Variants in SLC38A8 observed in about 807,000 individuals in gnomAD.
The protein encoded by SLC38A8 is amino acid transporter SLC38A8.
SLC38A8 carries 65 observed loss-of-function variants against 46.0 expected under a neutral mutation model. That is an observed-to-expected ratio of 1.41 (90% CI 1.16 to 1.74). SLC38A8 has a LOEUF of 1.74. Among genes scored for constraint, SLC38A8 ranks in the 40% most tolerant of loss-of-function variants. The pLI, the probability that SLC38A8 is intolerant of heterozygous loss-of-function variation, is 0.00. For missense variants in SLC38A8, 998 were observed against 567.9 expected, an observed-to-expected ratio of 1.76 and a Z score of -7.70; for synonymous variants, 447 against 243.7, an observed-to-expected ratio of 1.83 and a Z score of -7.77.
intron 9 of SLC38A8, 139 bp from the exon 10 acceptor site, chr16:84,013,191 G>T: frequency 1.2e-6 from 1 of 838,710 alleles, no homozygotes. Flanking sequence ...GCCCCCTGGA[G>T]AGGCAACACA....
chr16:84,033,539 C>A (rs975824752), intron 3 of SLC38A8, 70 bp from the exon 4 acceptor site: 2 of 1,494,030 alleles, frequency 1.3e-6, no homozygotes, highest in African/African-American at 2.8e-5. Context: ...CCACCTGGCC[C>A]TTCAACCCTG....
chr16:84,027,410 A>C (rs1030943404), intron 6 of SLC38A8, among the ~76,000 whole-genome samples: 1 of 152,188 alleles, frequency 6.6e-6, no homozygotes, highest in Non-Finnish European at 1.5e-5. Flanking sequence ...GTCCTGGTGT[A>C]GCCGCATTGG....
At chr16:84,018,134 G>A (rs1357615178) in intron 7 of SLC38A8, among the ~76,000 whole-genome samples, 1 of 151,956 alleles carries the variant, frequency 6.6e-6, no homozygotes, top group Non-Finnish European at 1.5e-5. Flanking sequence ...TGCCCACACT[G>A]GTGAGGGCCT....
intron 4 of SLC38A8, 98 bp downstream of exon 4, chr16:84,033,230 G>T (rs764180758): frequency 3.3e-6 from 5 of 1,524,248 alleles, no homozygotes; most frequent in South Asian, 2.4e-5. Flanking sequence ...AAATGTGAAG[G>T]CCAATTCCCC....
chr16:84,037,849 C>A (rs549160954), intron 2 of SLC38A8, among the ~76,000 whole-genome samples: 4 of 126,206 alleles, frequency 3.2e-5, no homozygotes, highest in South Asian at 2.5e-4. Context: ...AGCTCTGTCA[C>A]CCAGGCTGGA....
intron 3 of SLC38A8, among the ~76,000 whole-genome samples, chr16:84,036,322 T>G (rs1043273310): frequency 5.3e-5 from 8 of 152,220 alleles, no homozygotes; most frequent in African/African-American, 1.9e-4. Flanking sequence ...AAAGTCTTAG[T>G]CGGGAACTCG....
chr16:84,038,990 T>G (rs1381148375), intron 2 of SLC38A8, among the ~76,000 whole-genome samples: 1 of 152,132 alleles, frequency 6.6e-6, no homozygotes, highest in Non-Finnish European at 1.5e-5. Context: ...AAAATGTTAA[T>G]TAAGTGAAAA....
intron 7 of SLC38A8, among the ~76,000 whole-genome samples, chr16:84,022,196 T>C (rs1324215935): frequency 6.6e-6 from 1 of 152,210 alleles, no homozygotes; most frequent in Admixed American, 6.5e-5. Context: ...CTTCCTAGAC[T>C]GGAGGATACG....
At chr16:84,037,096 G>A (rs1467318968) in intron 2 of SLC38A8, among the ~76,000 whole-genome samples, 196 bp from the exon 3 acceptor site, 1 of 152,220 alleles carries the variant, frequency 6.6e-6, no homozygotes, top group South Asian at 2.1e-4. Flanking sequence ...TGAAATCAGA[G>A]CTGCAGTGCA....
intron 3 of SLC38A8, among the ~76,000 whole-genome samples, chr16:84,036,036 G>A (rs937190736): frequency 6.6e-6 from 1 of 152,166 alleles, no homozygotes; most frequent in Non-Finnish European, 1.5e-5. Flanking sequence ...CCATGTGCTG[G>A]ACTACAGAGC....
chr16:84,012,373 A>C (rs907920839), intron 10 of SLC38A8, among the ~76,000 whole-genome samples: 11 of 152,222 alleles, frequency 7.2e-5, no homozygotes, highest in South Asian at 2.1e-4. Flanking sequence ...TCGGGGATAA[A>C]TATTTGTCAA....
At chr16:84,010,510 G>C (rs1036095117) in intron 10 of SLC38A8, among the ~76,000 whole-genome samples, 1 of 152,124 alleles carries the variant, frequency 6.6e-6, no homozygotes, top group African/African-American at 2.4e-5. Context: ...GGAGGCTGAG[G>C]CAGGCGGATT....
At chr16:84,031,613 C>G (rs990781406) in intron 5 of SLC38A8, among the ~76,000 whole-genome samples, 1 of 152,252 alleles carries the variant, frequency 6.6e-6, no homozygotes, top group African/African-American at 2.4e-5. Context: ...CCTATGACCC[C>G]TAGGCCGCCG....
intron 6 of SLC38A8, among the ~76,000 whole-genome samples, chr16:84,024,545 C>T (rs2085138252): frequency 6.6e-6 from 1 of 151,952 alleles, no homozygotes. Flanking sequence ...CTTTGGGAGG[C>T]CAAGGCGTGT....
At position 84,036,730 on chromosome 16, in the gene SLC38A8, G is replaced by A. The variant is rs148142537; in HGVS notation, c.360C>T (p.Leu120=). 4 of 1,614,244 alleles carry A rather than the reference G, an allele frequency of 2.5e-6. No individual in the cohort carries two copies. In the South Asian group the frequency reaches 3.3e-5, roughly 13 times the overall value. The change falls in exon 3 of 11, where the codon CTC becomes CTT. Residue 120 remains leucine, a synonymous_variant. Transcript: ENST00000299709. ...LNLLMISVAF[L]RVIGDQLEKL... is the part of the protein sequence containing the mutation. ...TCTCCAGCTGGTCCCCGATCACCCT[G>A]AGGAAGGCCACGGAGATCATGAGCA...
rs111614089 is a variant in SLC38A8 at position 84,017,009 on chromosome 16, T to C, written c.953+131A>G. 4.9e-4 allele frequency: 637 copies of C among 1,302,452 alleles called. 3 individuals carry two copies. The African/African-American group carries it at 8.4e-3, about 17-fold the overall frequency. The allele number at this position is 1,302,452 out of a possible 1,614,324, so 80.7% of individuals were successfully genotyped here. A position where few individuals can be genotyped will look rare whatever the true frequency, so the allele number is the denominator to read the frequency against. ...GCAATCTACCTAAATCCTCTGTGCC[T>C]GTTTCCTCCTGTCTACAATTGGAGA... On this transcript the variant is annotated intron_variant, in intron 8 of 10. Transcript: ENST00000299709.
chr16:84,033,245 C>A (rs1240954081), intron 4 of SLC38A8, 83 bp downstream of exon 4: 6 of 1,583,244 alleles, frequency 3.8e-6, no homozygotes, highest in Non-Finnish European at 5.2e-6. Context: ...TTCCCCAGCT[C>A]CTCTGACCCC....
chr16:84,024,170 C>A (rs1287823766), intron 6 of SLC38A8, among the ~76,000 whole-genome samples: 10 of 152,146 alleles, frequency 6.6e-5, no homozygotes, highest in Non-Finnish European at 7.3e-5. Flanking sequence ...GGGGGTATAA[C>A]CAACCCACGC....
chr16:84,037,262 G>A (rs1283898366), intron 2 of SLC38A8, among the ~76,000 whole-genome samples: 1 of 152,240 alleles, frequency 6.6e-6, no homozygotes, highest in African/African-American at 2.4e-5. Flanking sequence ...AGGCGTGGTG[G>A]CTTGGAACCC....
Sources: gnomAD v4.1 joint callset for allele counts (sites outside exome capture counted in the v4.1 genomes callset) on GRCh38, gnomAD v4.1.1 for gene constraint, MANE v1.5 for transcripts, NCBI Gene and HGNC (gene_info 2026-07-23, HGNC 2026-07-21) for gene names.